The following ZNF518A variants were observed in gnomAD, a reference collection of about 807,000 sequenced individuals.
The protein encoded by ZNF518A is zinc finger protein 518.
In ZNF518A, 47 loss-of-function variants were observed where a neutral mutation model predicts 102.7. The observed-to-expected ratio is 0.46, with a 90% CI of 0.36 to 0.58. ZNF518A has a LOEUF of 0.58. Ranked by LOEUF, ZNF518A falls within the 20% of genes least tolerant of loss-of-function variation. The pLI is 0.00. For missense variants in ZNF518A, 1,793 were observed against 1,699.8 expected, an observed-to-expected ratio of 1.05 and a Z score of -0.96; for synonymous variants, 652 against 594.6, an observed-to-expected ratio of 1.10 and a Z score of -1.40.
At chr10:96,180,807 A>G (rs1160087784) in intron 1 of ZNF518A, among the ~76,000 whole-genome samples, 1 of 152,134 alleles carries the variant, frequency 6.6e-6, no homozygotes, top group African/African-American at 2.4e-5. Context: ...ATAAACGTAC[A>G]TGTGCATGTG....
Position 96,157,898 on chromosome 10 carries a change from A to G in ZNF518A, c.1576A>G (p.Ser526Gly). 1.2e-6 allele frequency: 2 copies of G among 1,613,920 alleles called. No homozygotes were observed. The highest frequency in any genetic ancestry group is 1.7e-6 in the Non-Finnish European group (2 of 1,179,794). The change falls in exon 6 of 6, where the codon AGT (serine) becomes GGT (glycine). Residue 526 changes from serine (S) to glycine (G), a missense_variant. By Grantham distance (56) the Ser-to-Gly change is moderately conservative (BLOSUM62 0). This residue lies in a region of ZNF518A where 1,741 missense variants were observed against 1,622.6 expected (regional missense o/e 1.07). Transcript: ENST00000316045. ...CSSSILSGKA[S>G]SEKEMTLISQ... ...ATCTTCTATACTTTCAGGGAAAGCA[A>G]GTTCAGAAAAAGAAATGACTTTGAT...
intron 3 of ZNF518A, among the ~76,000 whole-genome samples, chr10:96,139,502 G>T (rs1415437095): frequency 6.6e-6 from 1 of 152,128 alleles, no homozygotes; most frequent in Non-Finnish European, 1.5e-5. Context: ...TGTGAACCAG[G>T]AAGTAGGCCC....
At chr10:96,133,759 A>G (rs587609272) in intron 3 of ZNF518A, 111 bp downstream of exon 3, 14 of 152,332 alleles carry the variant, frequency 9.2e-5, no homozygotes, top group Non-Finnish European at 1.6e-4. Context: ...AATTATCATA[A>G]TAACCGTGTT....
At chr10:96,151,175 A>T (rs944572942) in intron 3 of ZNF518A, among the ~76,000 whole-genome samples, 1 of 152,026 alleles carries the variant, frequency 6.6e-6, no homozygotes, top group African/African-American at 2.4e-5. Flanking sequence ...CTGCCTACTT[A>T]TCTTTTTTGT....
chr10:96,162,714 A>C lies in ZNF518A; in HGVS notation c.*1940A>C, dbSNP rs2083045216. 6.0e-6 allele frequency: 1 copy of C among 166,094 alleles called. No individual in the cohort carries two copies. The highest frequency in any genetic ancestry group is 1.5e-5 in the Non-Finnish European group (1 of 68,026). 10.3% of individuals were successfully genotyped at this position (166,094 alleles called of 1,614,324 possible). A position where few individuals can be genotyped will look rare whatever the true frequency, so the allele number is the denominator to read the frequency against. On this transcript the variant is annotated 3_prime_UTR_variant, in exon 6 of 6. Transcript: ENST00000316045. ...TTTCTGTAATGAACATTTTCAATTAAATTTATCTTGTTTGTGTTTACACAA... is the reference window on the plus strand; with the variant it reads ...TTTCTGTAATGAACATTTTCAATTACATTTATCTTGTTTGTGTTTACACAA...
intron 1 of ZNF518A, among the ~76,000 whole-genome samples, chr10:96,190,935 G>T (rs2083318124): frequency 6.6e-6 from 1 of 152,132 alleles, no homozygotes; most frequent in South Asian, 2.1e-4. Context: ...ATTCCACTTT[G>T]AAACTTGATA....
chr10:96,165,489 A>C (rs1390532898), downstream of ZNF518A, among the ~76,000 whole-genome samples: 53 of 71,998 alleles, frequency 7.4e-4, no homozygotes, highest in East Asian at 1.4e-3. Flanking sequence ...AAAAAAAAAA[A>C]CAGACACCAA....
At chr10:96,137,069 G>A (rs587750229) in intron 3 of ZNF518A, among the ~76,000 whole-genome samples, 42 of 152,310 alleles carry the variant, frequency 2.8e-4, no homozygotes, top group Middle Eastern at 3.4e-3. Context: ...CCTGCAGGCC[G>A]TCATTTCATT....
chr10:96,156,075 G>C (rs182631718), intron 5 of ZNF518A, 28 bp downstream of exon 5: 43 of 241,394 alleles, frequency 1.8e-4, no homozygotes, highest in African/African-American at 8.1e-4. Context: ...TACTTAAAAA[G>C]TCTTTTGTAT....
chr10:96,143,143 T>G (rs587720483), intron 3 of ZNF518A, among the ~76,000 whole-genome samples: 16 of 152,316 alleles, frequency 1.1e-4, no homozygotes, highest in African/African-American at 3.8e-4. Context: ...CATTACCAGT[T>G]CCTTGGCTCC....
At chr10:96,148,708 A>G (rs587695761) in intron 3 of ZNF518A, among the ~76,000 whole-genome samples, 14 of 152,168 alleles carry the variant, frequency 9.2e-5, no homozygotes, top group Admixed American at 2.0e-4. Context: ...TGCTTCTCCA[A>G]CTAGTGAAGC....
In ZNF518A at chr10:96,156,571, A is replaced by T; in HGVS notation, c.249A>T (p.Lys83Asn). 1 of 1,613,398 alleles carries T rather than the reference A, an allele frequency of 6.2e-7. No homozygotes were observed. The highest frequency in any genetic ancestry group is 8.5e-7 in the Non-Finnish European group (1 of 1,179,640). ...LFQSKQQTAR[K>N]SISIKTVSCV... is the part of the protein sequence containing the mutation. ...AGAGTAAACAGCAGACTGCAAGAAA[A>T]TCTATCAGTATAAAGACTGTAAGCT... Residue 83 changes from lysine to asparagine, a missense_variant, in exon 6 of 6, where the codon AAA (lysine) becomes AAT (asparagine). Physicochemically the swap from Lys to Asn is moderately conservative, Grantham distance 94 (BLOSUM62 0). Transcript: ENST00000316045.
At chr10:96,164,824 A>T (rs1238839474), downstream of ZNF518A, among the ~76,000 whole-genome samples, 1 of 152,168 alleles carries the variant, frequency 6.6e-6, no homozygotes, top group Non-Finnish European at 1.5e-5. Flanking sequence ...TAAAATAAGA[A>T]TTTTTCCATA....
chr10:96,193,066 T>C (rs947697151), intron 1 of ZNF518A, among the ~76,000 whole-genome samples: 5 of 152,202 alleles, frequency 3.3e-5, no homozygotes, highest in Non-Finnish European at 7.4e-5. Context: ...TTGGCCAACA[T>C]TTCCAAATGA....
At chr10:96,133,418 G>A (rs1468740793) in intron 2 of ZNF518A, 165 bp from the exon 3 acceptor site, 4 of 152,162 alleles carry the variant, frequency 2.6e-5, no homozygotes, top group African/African-American at 7.2e-5. Context: ...AGACAGTCAT[G>A]TGAATGTCTG....
intron 3 of ZNF518A, among the ~76,000 whole-genome samples, chr10:96,152,669 C>G (rs1392077856): frequency 6.6e-6 from 1 of 152,156 alleles, no homozygotes; most frequent in Non-Finnish European, 1.5e-5. Flanking sequence ...GATGGTAAAC[C>G]TGTTACACAC....
intron 3 of ZNF518A, among the ~76,000 whole-genome samples, chr10:96,152,728 A>T (rs2082510434): frequency 6.6e-6 from 1 of 152,354 alleles, no homozygotes; most frequent in South Asian, 2.1e-4. Flanking sequence ...TGTATAGCGT[A>T]TTACTGTACT....
Position 96,157,794 on chromosome 10 carries a change from C to G in ZNF518A, c.1472C>G (p.Thr491Ser), listed in dbSNP as rs376974336. The G allele has an allele frequency of 9.9e-6, 16 of 1,613,738 alleles. No homozygotes were observed. The highest frequency in any genetic ancestry group is 1.3e-5 in the Non-Finnish European group (15 of 1,179,794). ...AATTTGCAGCCCCAGACTTTGGACACTAATGGATTTTTAACAGGAGTAACA... is the reference window on the plus strand; with the variant it reads ...AATTTGCAGCCCCAGACTTTGGACAGTAATGGATTTTTAACAGGAGTAACA... Reference protein sequence around the residue: ...TANLQPQTLDTNGFLTGVTTE... With the variant: ...TANLQPQTLDSNGFLTGVTTE... The change falls in exon 6 of 6, where the codon ACT (threonine) becomes AGT (serine). Residue 491 changes from threonine (T) to serine (S), a missense_variant. Physicochemically the swap from Thr to Ser is moderately conservative, Grantham distance 58. This residue lies in a region of ZNF518A where 1,741 missense variants were observed against 1,622.6 expected (regional missense o/e 1.07). Transcript: ENST00000316045.
chr10:96,166,562 A>G, downstream of ZNF518A, among the ~76,000 whole-genome samples: 1 of 152,044 alleles, frequency 6.6e-6, no homozygotes. Context: ...AGGTCAGGAG[A>G]TCGAGACCAT....
Sources: allele counts gnomAD v4.1 joint callset (sites outside exome capture counted in the v4.1 genomes callset), GRCh38; gene constraint gnomAD v4.1.1; regional missense constraint gnomAD v4.1.1; transcripts MANE v1.5; gene names NCBI Gene and HGNC (gene_info 2026-07-23, HGNC 2026-07-21).